Variants in NBPF20 observed in about 807,000 individuals in gnomAD.
NBPF20 encodes NBPF member 20, also known as NBPF family member NBPF20.
NBPF20 carries 90 observed loss-of-function variants against 68.1 expected under a neutral mutation model. That is an observed-to-expected ratio of 1.32 (90% CI 1.11 to 1.58). The LOEUF (loss-of-function observed/expected upper bound fraction) is 1.58, where lower values mean the gene tolerates loss of function less well. Among genes scored for constraint, NBPF20 ranks in the 40% most tolerant of loss-of-function variants. The pLI is 0.00. For missense variants in NBPF20, 816 were observed against 601.2 expected (o/e 1.36, Z -3.74); for synonymous variants, 290 against 228.1 (o/e 1.27, Z -2.45).
the NBPF20 span, among the ~76,000 whole-genome samples, chr1:145,425,549 C>G: frequency 1.3e-5 from 2 of 152,246 alleles, no homozygotes; most frequent in African/African-American, 4.8e-5. Context: ...TCTCAACCGC[C>G]GCCCAGCCCA....
the NBPF20 span, among the ~76,000 whole-genome samples, chr1:145,414,783 TGAA>T: frequency 7.2e-5 from 10 of 139,108 alleles, no homozygotes; most frequent in African/African-American, 2.7e-4. Context: ...CCTTGCCACC[TGAA>T]GAAGACAATG....
intron 7 of NBPF20, among the ~76,000 whole-genome samples, chr1:145,397,440 TAAAGA>T (rs2101555698): frequency 6.6e-6 from 1 of 152,298 alleles, no homozygotes; most frequent in East Asian, 1.9e-4. Flanking sequence ...TCAACATTCT[TAAAGA>T]AAAGAATTTT....
chr1:145,407,527 G>GTA (rs1188743358), upstream of NBPF20, among the ~76,000 whole-genome samples: 4 of 145,096 alleles, frequency 2.8e-5, no homozygotes, highest in East Asian at 5.9e-4. Context: ...ATACATACGT[G>GTA]TATATATATA....
At chr1:145,291,756 G>C (rs374140805) in exon 138 of NBPF20, 18 of 1,611,766 alleles carry the variant, frequency 1.1e-5, no homozygotes, top group African/African-American at 2.7e-5. Flanking sequence ...ACTTCCATCA[G>C]CACGCCGTTG....
intron 6 of NBPF20, among the ~76,000 whole-genome samples, chr1:145,399,775 A>G (rs1222312586): frequency 3.7e-4 from 27 of 73,756 alleles, no homozygotes; most frequent in East Asian, 8.7e-4. Context: ...AGACTCCATC[A>G]CAAAAAAAAA....
Position 145,291,692 on chromosome 1 carries a change from G to C in NBPF20, c.16775C>G (p.Ser5592Ter), listed in dbSNP as rs782125276. Residue 5592 changes from serine to a stop codon, truncating the protein, a stop_gained, in exon 138 of 138, where the codon TCA (serine) becomes TGA (stop). Coordinates refer to ENST00000369373, the Ensembl canonical transcript of NBPF20. LOFTEE classifies it high-confidence loss of function. ...TGAGTCAGGTAGTTCAAAGTACATT[G>C]ACGGAGTAGAATAACATCCATCCAG... is the stretch of plus-strand genomic sequence containing the variant. 7 of 1,611,924 alleles carry C rather than the reference G, an allele frequency of 4.3e-6. No individual in the cohort carries two copies. In the South Asian group the frequency reaches 5.5e-5, roughly 13 times the overall value.
intron 10 of NBPF20, among the ~76,000 whole-genome samples, chr1:145,392,697 C>G (rs1376257937): frequency 2.1e-5 from 1 of 46,742 alleles, no homozygotes; most frequent in African/African-American, 2.0e-4. Context: ...CCTGTCTCAT[C>G]AAATACTCAG....
the NBPF20 span, among the ~76,000 whole-genome samples, chr1:145,419,130 AGGG>A: frequency 7.4e-6 from 1 of 134,448 alleles, no homozygotes; most frequent in African/African-American, 2.8e-5. Context: ...GCAGGGAGGA[AGGG>A]AGGAAGGAAG....
At chr1:145,395,638 A>G (rs1451977452) in intron 7 of NBPF20, among the ~76,000 whole-genome samples, 2 of 150,116 alleles carry the variant, frequency 1.3e-5, no homozygotes, top group Non-Finnish European at 2.9e-5. Context: ...ATAGGAAAAA[A>G]GCATGTATAC....
At chr1:145,425,471 G>A in the NBPF20 span, among the ~76,000 whole-genome samples, 1 of 152,194 alleles carries the variant, frequency 6.6e-6, no homozygotes, top group East Asian at 1.9e-4. Flanking sequence ...GTTCCCAAAA[G>A]CACCGCGTTC....
At chr1:145,403,910 C>G (rs1359205462) in intron 2 of NBPF20, among the ~76,000 whole-genome samples, 1 of 151,356 alleles carries the variant, frequency 6.6e-6, no homozygotes, top group East Asian at 1.9e-4. Context: ...AATTTAGAAA[C>G]AGCAGAATGA....
chr1:145,408,469 CT>C (rs1662895451), upstream of NBPF20, among the ~76,000 whole-genome samples: 1 of 152,006 alleles, frequency 6.6e-6, no homozygotes. Context: ...TATTCTTTCA[CT>C]TTGATATATT....
chr1:145,393,286 A>G (rs1662003386), intron 9 of NBPF20, 40 bp from the exon 15 acceptor site: 6 of 664,872 alleles, frequency 9.0e-6, no homozygotes, highest in Non-Finnish European at 1.4e-5. Context: ...GCCAGGGGGA[A>G]TCAGAAACCA....
chr1:145,415,329 G>A, the NBPF20 span, among the ~76,000 whole-genome samples: 436 of 151,680 alleles, frequency 2.9e-3, no homozygotes, highest in African/African-American at 0.01. Context: ...ACATTCCATT[G>A]CCCAGGGACG....
At chr1:145,311,894 A>G (rs1337285029) in intron 112 of NBPF20, among the ~76,000 whole-genome samples, 24 of 112,520 alleles carry the variant, frequency 2.1e-4, no homozygotes, top group South Asian at 1.4e-3. Flanking sequence ...GAAGGATGAA[A>G]TCTACAAGAT....
chr1:145,415,290 TGGAATATACAATCG>T, the NBPF20 span, among the ~76,000 whole-genome samples: 4 of 151,888 alleles, frequency 2.6e-5, no homozygotes, highest in African/African-American at 9.7e-5. Context: ...TCTCAGTAGA[TGGAATATACAATCG>T]GGCTTTACAC....
At chr1:145,415,435 G>C in the NBPF20 span, among the ~76,000 whole-genome samples, 1 of 151,540 alleles carries the variant, frequency 6.6e-6, no homozygotes, top group Non-Finnish European at 1.5e-5. Context: ...TACGGGTGTC[G>C]GGCTGGGGGA....
exon 138 of NBPF20, chr1:145,291,624 G>T (rs782469268): frequency 6.2e-7 from 1 of 1,611,974 alleles, no homozygotes; most frequent in South Asian, 1.1e-5. Flanking sequence ...AAGCTGATGT[G>T]CTGTTCCTCA....
intron 129 of NBPF20, among the ~76,000 whole-genome samples, chr1:145,298,455 G>A (rs1661350071): frequency 7.5e-6 from 1 of 132,514 alleles, no homozygotes; most frequent in Non-Finnish European, 1.6e-5. Flanking sequence ...AGGACACTCT[G>A]AGTTAGTGCC....
Sources: gnomAD v4.1 joint callset for allele counts (sites outside exome capture counted in the v4.1 genomes callset) on GRCh38, gnomAD v4.1.1 for gene constraint, MANE v1.5 for transcripts, NCBI Gene and HGNC (gene_info 2026-07-23, HGNC 2026-07-21) for gene names.